The following SAMD12 variants were observed in gnomAD, a reference collection of about 807,000 sequenced individuals.
SAMD12 encodes sterile alpha motif domain-containing protein 12.
Under a neutral mutation model 15.0 loss-of-function variants are expected in SAMD12, and 9 were observed. The observed-to-expected ratio is 0.60, with a 90% CI of 0.36 to 1.05. The LOEUF is 1.05. SAMD12 is among the 50% of genes least tolerant of loss of function. The pLI, the probability that SAMD12 is intolerant of heterozygous loss-of-function variation, is 0.01. For synonymous variants in SAMD12, 86 were observed against 90.1 expected (o/e 0.96, Z 0.25); for missense variants, 230 against 234.2 (o/e 0.98, Z 0.12).
Position 118,379,308 on chromosome 8 carries a change from C to G in SAMD12, c.*109G>C, listed in dbSNP as rs371982803. The G allele has an allele frequency of 1.3e-6, 2 of 1,484,798 alleles. No homozygotes were observed. The highest frequency in any genetic ancestry group is 1.4e-5 in the African/African-American group (1 of 71,634). 92.0% of individuals were successfully genotyped at this position (1,484,798 alleles called of 1,614,324 possible). A position where few individuals can be genotyped will look rare whatever the true frequency, so the allele number is the denominator to read the frequency against. On this transcript the variant is annotated 3_prime_UTR_variant, in exon 4 of 4. Coordinates refer to ENST00000314727, the MANE Select transcript of SAMD12 (RefSeq NM_207506.3). ...GCAGTACACAATCCATACAACTGTA[C>G]GTGACCACCTTGAAGTTAGCTCAGG...
At chr8:118,216,666 A>G (rs1018049388) in intron 4 of SAMD12, among the ~76,000 whole-genome samples, 1 of 152,218 alleles carries the variant, frequency 6.6e-6, no homozygotes, top group African/African-American at 2.4e-5. Context: ...CAGAAAAAAT[A>G]CAACATTACA....
chr8:118,550,670 A>C (rs1586810526), intron 2 of SAMD12, among the ~76,000 whole-genome samples: 2 of 151,926 alleles, frequency 1.3e-5, no homozygotes, highest in Admixed American at 6.6e-5. Context: ...TCAAATTCAC[A>C]CATAACAATA....
intron 3 of SAMD12, among the ~76,000 whole-genome samples, chr8:118,412,533 G>T (rs1821463433): frequency 6.6e-6 from 1 of 152,146 alleles, no homozygotes; most frequent in Admixed American, 6.5e-5. Flanking sequence ...CCTTTCTCCT[G>T]GAAGTCGGGA....
rs912668685 is a variant in SAMD12 at position 118,378,397 on chromosome 8, G to C, written c.*1020C>G. On this transcript the variant is annotated 3_prime_UTR_variant, in exon 4 of 4. Transcript: ENST00000314727. ...TTCACATTCAAATTTAAATCACTTA[G>C]TATACCAGTAAATTCACCATTGGAA... The C allele has an allele frequency of 6.2e-5, 60 of 964,736 alleles. No individual in the cohort carries two copies. Among genetic ancestry groups the C allele is most frequent in the Non-Finnish European group, 7.3e-5 (59 of 811,416 alleles). 59.8% of individuals were successfully genotyped at this position (964,736 alleles called of 1,614,324 possible). A position where few individuals can be genotyped will look rare whatever the true frequency, so the allele number is the denominator to read the frequency against.
chr8:118,284,761 T>C (rs1468783574), intron 4 of SAMD12: 2 of 160,700 alleles, frequency 1.2e-5, no homozygotes, highest in East Asian at 1.8e-4. Context: ...GCTAACACGG[T>C]GAAACCCTGT....
intron 2 of SAMD12, among the ~76,000 whole-genome samples, chr8:118,445,305 G>T (rs1046712163): frequency 6.6e-6 from 1 of 152,154 alleles, no homozygotes; most frequent in African/African-American, 2.4e-5. Flanking sequence ...TAATTTTAAA[G>T]TACTAATAAT....
rs190259849 is a variant in SAMD12, at chr8:118,231,122, A to G, written c.434-33390T>C. Among the ~76,000 whole-genome samples the G allele has an allele frequency of 9.8e-4, 149 of 152,286 alleles. 1 individual carries two copies. Among genetic ancestry groups the G allele is most frequent in the East Asian group, 9.6e-4 (5 of 5,186 alleles). ...TTCCTTCTCTGAGTTGTTATGGGGA[A>G]TAAGTGAAATAACATAAATGCACCC... On this transcript the variant is annotated intron_variant, in intron 4 of 4. Transcript: ENST00000409003.
At chr8:118,255,869 C>T (rs1812927140) in intron 4 of SAMD12, among the ~76,000 whole-genome samples, 3 of 152,172 alleles carry the variant, frequency 2.0e-5, no homozygotes, top group Admixed American at 6.5e-5. Flanking sequence ...GGTATATACC[C>T]AGTAATGGGA....
At chr8:118,196,171 G>A (rs1819556418) in exon 5 of SAMD12, 1 of 152,224 alleles carries the variant, frequency 6.6e-6, no homozygotes, top group African/African-American at 2.4e-5. Context: ...AATGGGCTGT[G>A]TATTTCCTGA....
intron 4 of SAMD12, among the ~76,000 whole-genome samples, chr8:118,216,839 T>A (rs12679147): frequency 0.5 from 75,720 of 151,782 alleles, 20,663 homozygotes; most frequent in Non-Finnish European, 0.62. Flanking sequence ...TTCTTGACAA[T>A]GAAAATATTA....
the SAMD12 span, among the ~76,000 whole-genome samples, chr8:118,162,588 T>C: frequency 6.6e-6 from 1 of 152,118 alleles, no homozygotes; most frequent in Non-Finnish European, 1.5e-5. Flanking sequence ...AACAGACAGA[T>C]GAAATCTAGG....
At chr8:118,530,649 TTG>T (rs1403693622) in intron 2 of SAMD12, among the ~76,000 whole-genome samples, 3 of 152,214 alleles carry the variant, frequency 2.0e-5, no homozygotes, top group Non-Finnish European at 4.4e-5. Context: ...ATTCTGTAGG[TTG>T]TCTCTTCACT....
intron 1 of SAMD12, among the ~76,000 whole-genome samples, chr8:118,607,481 C>G (rs1828012876): frequency 1.3e-5 from 2 of 152,188 alleles, no homozygotes; most frequent in Non-Finnish European, 2.9e-5. Flanking sequence ...GGTAATCTGT[C>G]CACCTCAGCC....
At chr8:118,561,515 G>A (rs1166869188) in intron 2 of SAMD12, among the ~76,000 whole-genome samples, 1 of 152,208 alleles carries the variant, frequency 6.6e-6, no homozygotes, top group Admixed American at 6.5e-5. Flanking sequence ...GAGGCCTCAG[G>A]AAACTTACAA....
the SAMD12 span, among the ~76,000 whole-genome samples, chr8:118,173,083 A>G: frequency 6.6e-6 from 1 of 152,192 alleles, no homozygotes; most frequent in Non-Finnish European, 1.5e-5. Context: ...ATAAGATAGG[A>G]ATCATACTTT....
intron 4 of SAMD12, among the ~76,000 whole-genome samples, chr8:118,230,180 G>A (rs17507726): frequency 0.018 from 2,798 of 152,230 alleles, 98 homozygotes; most frequent in African/African-American, 0.061. Flanking sequence ...CAGGCACCAT[G>A]CTAAGCGTTT....
At chr8:118,246,625 A>G (rs1257532196) in intron 4 of SAMD12, among the ~76,000 whole-genome samples, 3 of 152,132 alleles carry the variant, frequency 2.0e-5, no homozygotes, top group Admixed American at 6.5e-5. Flanking sequence ...TGCAGAAAAA[A>G]CATCATATCA....
intron 4 of SAMD12, among the ~76,000 whole-genome samples, chr8:118,288,010 A>T (rs527653207): frequency 1.3e-5 from 2 of 152,212 alleles, no homozygotes; most frequent in African/African-American, 4.8e-5. Context: ...GCCATTGGAA[A>T]AAAGAACCTT....
At chr8:118,515,185 ATTTTTTTTTTT>A (rs55864364) in intron 2 of SAMD12, among the ~76,000 whole-genome samples, 1 of 103,314 alleles carries the variant, frequency 9.7e-6, no homozygotes, top group Non-Finnish European at 1.8e-5. Flanking sequence ...CGCCCAGCTA[ATTTTTTTTTTT>A]TTTTTTTTTT....
Sources: allele counts gnomAD v4.1 joint callset (sites outside exome capture counted in the v4.1 genomes callset), GRCh38; gene constraint gnomAD v4.1.1; transcripts MANE v1.5; gene names NCBI Gene and HGNC (gene_info 2026-07-23, HGNC 2026-07-21).